The following CTR9 variants were observed in gnomAD, a reference collection of about 807,000 sequenced individuals.
The protein encoded by CTR9 is RNA polymerase-associated protein CTR9 homolog.
Under a neutral mutation model 152.1 loss-of-function variants are expected in CTR9, and 41 were observed. The ratio of observed to expected loss-of-function variants is 0.27; its 90% CI spans 0.21 to 0.35. The LOEUF is 0.35. Among genes scored for constraint, CTR9 ranks in the 10% least tolerant of loss-of-function variants. The probability of loss-of-function intolerance (pLI) is 1.00; values close to 1 mark genes in which losing one functional copy is unlikely to be tolerated. For missense variants in CTR9, 917 were observed against 1,424.4 expected (o/e 0.64, Z 5.73); for synonymous variants, 476 against 496.2 (o/e 0.96, Z 0.54).
intron 4 of CTR9, among the ~76,000 whole-genome samples, chr11:10,756,066 GAGAGACTGAGGCAGGA>G (rs1407050037): frequency 6.6e-6 from 1 of 152,198 alleles, no homozygotes; most frequent in Non-Finnish European, 1.5e-5. Context: ...CCAGCGCTTT[GAGAGACTGAGGCAGGA>G]GGATCACTTG....
intron 5 of CTR9, among the ~76,000 whole-genome samples, chr11:10,758,228 G>T (rs1309189869): frequency 6.6e-6 from 1 of 152,158 alleles, no homozygotes; most frequent in Non-Finnish European, 1.5e-5. Context: ...GCAGAGTGAC[G>T]TGATCTGACC....
At chr11:10,778,319 T>A (rs1863274462) in intron 24 of CTR9, among the ~76,000 whole-genome samples, 1 of 152,250 alleles carries the variant, frequency 6.6e-6, no homozygotes, top group African/African-American at 2.4e-5. Flanking sequence ...TTGTTGCTGT[T>A]AATTTGTGTA....
rs1251652621 is a variant in CTR9 at position 10,770,703 on chromosome 11, C to T, written c.2372+71C>T. The T allele has an allele frequency of 1.0e-5, 14 of 1,381,420 alleles. No homozygotes were observed. The East Asian group carries it at 1.9e-4, about 18-fold the overall frequency. The allele number at this position is 1,381,420 out of a possible 1,614,324, so 85.6% of individuals were successfully genotyped here. On this transcript the variant is annotated intron_variant, in intron 18 of 24. Coordinates refer to ENST00000361367, the MANE Select transcript of CTR9 (RefSeq NM_014633.5). ...ATGACCATACCATCTTGAACTCTCC[C>T]GATTTTGTCTGAAATGCTTTGTTTA...
intron 5 of CTR9, 44 bp from the exon 6 acceptor site, chr11:10,760,129 A>T (rs774483714): frequency 1.6e-5 from 25 of 1,592,944 alleles, no homozygotes; most frequent in Middle Eastern, 3.3e-4. Context: ...ATTGAACTCT[A>T]AAAAATGCCC....
intron 19 of CTR9, 24 bp from the exon 20 acceptor site, chr11:10,772,496 T>G (rs367874770): frequency 1.3e-5 from 18 of 1,403,860 alleles, no homozygotes; most frequent in South Asian, 3.6e-5. Context: ...ACATTCATGT[T>G]TCTCTAAACC....
chr11:10,760,109 C>G, intron 5 of CTR9, 64 bp from the exon 6 acceptor site: 2 of 1,566,698 alleles, frequency 1.3e-6, no homozygotes, highest in Non-Finnish European at 1.7e-6. Flanking sequence ...AATGTTTAAG[C>G]ATTTTTGTAA....
chr11:10,768,856 A>AT (rs969281925), intron 16 of CTR9, among the ~76,000 whole-genome samples: 1 of 152,226 alleles, frequency 6.6e-6, no homozygotes, highest in African/African-American at 2.4e-5. Flanking sequence ...AGGATTGAAT[A>AT]TTTATTTGTG....
chr11:10,775,632 G>A lies in CTR9; in HGVS notation c.3094G>A (p.Gly1032Arg), dbSNP rs1464228021. The A allele has an allele frequency of 6.3e-7, 1 of 1,588,958 alleles. No homozygotes were observed. Among genetic ancestry groups the A allele is most frequent in the East Asian group, 2.2e-5 (1 of 44,564 alleles). The change falls in exon 24 of 25, where the codon GGA becomes AGA. Residue 1032 changes from glycine (G) to arginine (R), a missense_variant and splice_region_variant. By Grantham distance (125) the Gly-to-Arg change is moderately radical. This residue lies in a region of CTR9 where 384 missense variants were observed against 398.4 expected (regional missense o/e 0.96). Coordinates refer to ENST00000361367, the MANE Select transcript of CTR9 (RefSeq NM_014633.5). ...DEDKLKIADE[G>R]HPRNSNSNSD... ...GGATAAACTTAAAATTGCTGATGAA[G>A]GGTAGGATATTTTCTCTTTGTAAAT...
chr11:10,755,216 T>A lies in CTR9; in HGVS notation c.384+19T>A, dbSNP rs1862866323. ...TGATCAGGTAAAAATAAAGTCAAAT[T>A]TCTTTCCATTTATGAAGGGAGAAAA... On this transcript the variant is annotated intron_variant, in intron 3 of 24. Coordinates refer to ENST00000361367, the MANE Select transcript of CTR9 (RefSeq NM_014633.5). 7 of 1,585,772 alleles carry A rather than the reference T, an allele frequency of 4.4e-6. No individual in the cohort carries two copies. The highest frequency in any genetic ancestry group is 6.0e-6 in the Non-Finnish European group (7 of 1,167,112).
At chr11:10,766,032 T>C (rs747279937) in intron 12 of CTR9, among the ~76,000 whole-genome samples, 3 of 152,212 alleles carry the variant, frequency 2.0e-5, no homozygotes, top group Non-Finnish European at 2.9e-5. Flanking sequence ...TTTCACTGTT[T>C]TGCCGTATTA....
chr11:10,768,077 A>G lies in CTR9; in HGVS notation c.1876A>G (p.Lys626Glu), dbSNP rs1863086889. The stretch of plus-strand genomic sequence containing the variant: ...TTAAGAGCACTTGTTTCTATAGGAA[A>G]AGCGTCATCAAGATCGTGCTCTGGC... The part of the protein sequence containing the change: ...HQPTRDREKE[K>E]RHQDRALAIY... Residue 626 changes from lysine (K) to glutamate (E), a missense_variant, in exon 15 of 25, where the codon AAG (lysine) becomes GAG (glutamate). Around this residue, in one of 9 missense-constraint regions of CTR9, gnomAD observed 87 missense variants for 235.7 expected, o/e 0.37. Coordinates refer to ENST00000361367, the MANE Select transcript of CTR9 (RefSeq NM_014633.5). 1 of 1,614,026 alleles carries G rather than the reference A, an allele frequency of 6.2e-7. No homozygotes were observed. The highest frequency in any genetic ancestry group is 1.7e-5 in the Admixed American group (1 of 60,004).
At chr11:10,769,617 A>G (rs1863111390) in intron 16 of CTR9, among the ~76,000 whole-genome samples, 1 of 152,206 alleles carries the variant, frequency 6.6e-6, no homozygotes, top group Non-Finnish European at 1.5e-5. Context: ...TTATAAATGC[A>G]AATTAACTAC....
Position 10,751,467 on chromosome 11 carries a change from G to C in CTR9, c.45+10G>C. 1 of 1,613,362 alleles carries C rather than the reference G, an allele frequency of 6.2e-7. No individual in the cohort carries two copies. The highest frequency in any genetic ancestry group is 1.1e-5 in the South Asian group (1 of 91,062). ...CCGGGACACTGACGAGGTAAGTGTC[G>C]TGTATGGAGGCGGGTGGGGGCCATG... On this transcript the variant is annotated intron_variant, in intron 1 of 24. Transcript: ENST00000361367.
intron 5 of CTR9, among the ~76,000 whole-genome samples, chr11:10,759,892 T>C (rs1862949703): frequency 6.6e-6 from 1 of 152,174 alleles, no homozygotes; most frequent in East Asian, 1.9e-4. Context: ...ATTGAAGGTA[T>C]GGTTAGCAGC....
In CTR9 at chr11:10,762,019, T is replaced by C. The variant is rs1862986354; in HGVS notation, c.814T>C (p.Leu272=). The C allele has an allele frequency of 6.2e-7, 1 of 1,604,040 alleles. No individual in the cohort carries two copies. Among genetic ancestry groups the C allele is most frequent in the Admixed American group, 1.7e-5 (1 of 58,016 alleles). ...TATTGATCCTAGCAACCCTATGGTA[T>C]TGAACCATTTGGCAAATCACTTTTT... ...YTIDPSNPMV[L]NHLANHFFFK... The change falls in exon 7 of 25, where the codon TTG becomes CTG. Residue 272 remains leucine, a synonymous_variant. Transcript: ENST00000361367.
intron 22 of CTR9, among the ~76,000 whole-genome samples, chr11:10,774,999 A>C (rs1863207834): frequency 6.6e-6 from 1 of 152,234 alleles, no homozygotes; most frequent in Non-Finnish European, 1.5e-5. Context: ...TAATCAGCAG[A>C]CATTGCATAA....
intron 19 of CTR9, 75 bp from the exon 20 acceptor site, chr11:10,772,445 A>G (rs751019306): frequency 6.5e-6 from 8 of 1,238,350 alleles, no homozygotes; most frequent in Non-Finnish European, 8.4e-6. Context: ...TTTAATTTGT[A>G]TAAGGAAAAT....
Position 10,779,154 on chromosome 11 carries a change from T to C in CTR9, c.*49T>C, listed in dbSNP as rs550344852. 8.0e-6 allele frequency: 12 copies of C among 1,506,952 alleles called. No homozygotes were observed. The highest frequency in any genetic ancestry group is 7.0e-5 in the African/African-American group (5 of 71,404). The allele number at this position is 1,506,952 out of a possible 1,614,324, so 93.3% of individuals were successfully genotyped here. A position where few individuals can be genotyped will look rare whatever the true frequency, so the allele number is the denominator to read the frequency against. On this transcript the variant is annotated 3_prime_UTR_variant, in exon 25 of 25. Transcript: ENST00000361367. ...ATCTCTGGAGGAAACTTTTTTAATA[T>C]ATGAAAGCTGTGATAAAAATGTTTC...
At chr11:10,754,406 AAC>A (rs1188479670) in intron 2 of CTR9, among the ~76,000 whole-genome samples, 1 of 152,202 alleles carries the variant, frequency 6.6e-6, no homozygotes, top group Admixed American at 6.5e-5. Context: ...CAGTTTTTTA[AAC>A]AGTTTTATTA....
Sources: allele counts gnomAD v4.1 joint callset (sites outside exome capture counted in the v4.1 genomes callset), GRCh38; gene constraint gnomAD v4.1.1; regional missense constraint gnomAD v4.1.1; transcripts MANE v1.5; gene names NCBI Gene and HGNC (gene_info 2026-07-23, HGNC 2026-07-21).